CTNNA1: variants seen among roughly 807,000 people sequenced by gnomAD.
CTNNA1 encodes the protein catenin alpha 1.
A neutral mutation model predicts 98.4 loss-of-function variants in CTNNA1; 37 were observed. That is an observed-to-expected ratio of 0.38 (90% confidence interval 0.29 to 0.49). The LOEUF (loss-of-function observed/expected upper bound fraction) is 0.49. Among genes scored for constraint, CTNNA1 ranks in the 20% least tolerant of loss-of-function variants. The pLI is 0.95. For missense variants in CTNNA1, 761 were observed against 1,147.2 expected (o/e 0.66, Z 4.86); for synonymous variants, 404 against 413.2 (o/e 0.98, Z 0.27).
rs372078654 is a variant in CTNNA1 at position 138,928,931 on chromosome 5, G to A, written c.1900-315G>A. On this transcript the variant is annotated intron_variant, in intron 13 of 17. Transcript: ENST00000302763. Reference sequence around the variant, plus strand: ...AGCCTGGGTGACAGAGCGAGACTCTGTCTCAAAGGAAAAAAAAAAACAATC... The same window carrying A: ...AGCCTGGGTGACAGAGCGAGACTCTATCTCAAAGGAAAAAAAAAAACAATC... Among the ~76,000 whole-genome samples, 306 of 142,112 alleles carry A rather than the reference G, an allele frequency of 2.2e-3. 1 individual carries two copies. Among genetic ancestry groups the A allele is most frequent in the African/African-American group, 7.7e-3 (295 of 38,082 alleles). 93.2% of individuals were successfully genotyped at this position (142,112 alleles called of 152,430 possible). A position where few individuals can be genotyped will look rare whatever the true frequency, so the allele number is the denominator to read the frequency against.
At chr5:138,835,639 ATTTTAT>A (rs1393023459) in intron 7 of CTNNA1, among the ~76,000 whole-genome samples, 1 of 152,082 alleles carries the variant, frequency 6.6e-6, no homozygotes, top group Non-Finnish European at 1.5e-5. Flanking sequence ...TATTTAATAA[ATTTTAT>A]TTTTACTGTA....
intron 7 of CTNNA1, among the ~76,000 whole-genome samples, chr5:138,859,093 A>C (rs542443959): frequency 6.6e-6 from 1 of 152,362 alleles, no homozygotes; most frequent in South Asian, 2.1e-4. Flanking sequence ...TATTGTAGTC[A>C]TCATTCTGAA....
intron 1 of CTNNA1, among the ~76,000 whole-genome samples, chr5:138,775,086 A>G (rs1179444888): frequency 1.3e-5 from 2 of 152,214 alleles, no homozygotes; most frequent in Non-Finnish European, 2.9e-5. Flanking sequence ...AAATGTGACC[A>G]CATATACCTA....
At chr5:138,780,763 G>A (rs903843540) in intron 1 of CTNNA1, among the ~76,000 whole-genome samples, 1 of 152,042 alleles carries the variant, frequency 6.6e-6, no homozygotes, top group Non-Finnish European at 1.5e-5. Context: ...TGATCTGCCC[G>A]CCTTGGCTTC....
At chr5:138,839,592 G>T (rs181435035) in intron 7 of CTNNA1, among the ~76,000 whole-genome samples, 174 of 152,160 alleles carry the variant, frequency 1.1e-3, no homozygotes, top group Non-Finnish European at 2.2e-3. Context: ...TTTTAGTTGG[G>T]GGAAAGATCT....
rs76146620 is a variant in CTNNA1, at chr5:138,768,554, G to A, written c.-2-13369G>A. On this transcript the variant is annotated intron_variant, in intron 1 of 17. Coordinates refer to ENST00000302763, the MANE Select transcript of CTNNA1 (RefSeq NM_001903.5). ...GGGATTACAGGCATGAGACAACGGTGTCTGTTTTTTTTTTTTTTTTTTTTT... is the reference window on the plus strand; with the variant it reads ...GGGATTACAGGCATGAGACAACGGTATCTGTTTTTTTTTTTTTTTTTTTTT... Among the ~76,000 whole-genome samples, 1,025 of 136,464 alleles carry A rather than the reference G, an allele frequency of 7.5e-3. 16 individuals are homozygous for A. The highest frequency in any genetic ancestry group is 0.032 in the Admixed American group (411 of 12,876). 89.5% of individuals were successfully genotyped at this position (136,464 alleles called of 152,430 possible).
At chr5:138,875,780 C>T in intron 7 of CTNNA1, 1 of 945,890 alleles carries the variant, frequency 1.1e-6, no homozygotes, top group Non-Finnish European at 1.3e-6. Context: ...TATTCAGTTG[C>T]CTTGTTGTCA....
intron 7 of CTNNA1, chr5:138,880,805 T>C: frequency 3.2e-6 from 1 of 316,320 alleles, no homozygotes; most frequent in Non-Finnish European, 6.3e-6. Flanking sequence ...GTTGTCTAAA[T>C]TTAAGGGGTT....
intron 3 of CTNNA1, among the ~76,000 whole-genome samples, chr5:138,788,000 T>C (rs1281416109): frequency 6.6e-6 from 1 of 152,254 alleles, no homozygotes; most frequent in Non-Finnish European, 1.5e-5. Flanking sequence ...ATTGTACTAC[T>C]AATCTGCTTC....
chr5:138,847,229 T>C (rs1024803419), intron 7 of CTNNA1, among the ~76,000 whole-genome samples: 4 of 152,216 alleles, frequency 2.6e-5, no homozygotes, highest in African/African-American at 9.6e-5. Flanking sequence ...TACTTGTAGT[T>C]CAACAGCATG....
chr5:138,858,602 T>TTC (rs1561601823), intron 7 of CTNNA1, among the ~76,000 whole-genome samples: 1 of 145,920 alleles, frequency 6.9e-6, no homozygotes. Context: ...TTCTTTTTTT[T>TTC]TTTTTTTTTT....
chr5:138,884,339 G>A (rs1461074620), intron 7 of CTNNA1, among the ~76,000 whole-genome samples: 1 of 152,164 alleles, frequency 6.6e-6, no homozygotes, highest in East Asian at 1.9e-4. Flanking sequence ...TTATGTAGAT[G>A]AAGCCTCCAG....
intron 7 of CTNNA1, among the ~76,000 whole-genome samples, chr5:138,844,805 G>T (rs1020284125): frequency 1.3e-5 from 2 of 152,194 alleles, no homozygotes; most frequent in Non-Finnish European, 2.9e-5. Context: ...AGAAAGAAAA[G>T]ATTGGCATTC....
intron 10 of CTNNA1, among the ~76,000 whole-genome samples, chr5:138,916,421 G>A (rs1476635235): frequency 6.7e-6 from 1 of 149,070 alleles, no homozygotes; most frequent in Admixed American, 6.7e-5. Flanking sequence ...GGAGACAAGA[G>A]TCGTCCTGTT....
At chr5:138,879,631 T>A (rs556683986) in intron 7 of CTNNA1, among the ~76,000 whole-genome samples, 13 of 152,152 alleles carry the variant, frequency 8.5e-5, no homozygotes, top group Admixed American at 1.3e-4. Context: ...ATTAAAAAAA[T>A]TTTTTTCGTG....
At chr5:138,926,914 G>T (rs1764190543) in intron 13 of CTNNA1, among the ~76,000 whole-genome samples, 1 of 152,062 alleles carries the variant, frequency 6.6e-6, no homozygotes, top group African/African-American at 2.4e-5. Context: ...CCTCTCACTT[G>T]CTCCACCCAG....
In CTNNA1 at chr5:138,908,643, C is replaced by T. The variant is rs575366632; in HGVS notation, c.1389+4202C>T. ...TTATACCACTGCACTCCAGCCTGGGCGACAGAGTATGACCCCTTTGACCCC... is the reference window on the plus strand; with the variant it reads ...TTATACCACTGCACTCCAGCCTGGGTGACAGAGTATGACCCCTTTGACCCC... On this transcript the variant is annotated intron_variant, in intron 10 of 17. Transcript: ENST00000302763. Among the ~76,000 whole-genome samples the T allele has an allele frequency of 5.3e-5, 8 of 152,012 alleles. No homozygotes were observed. In the South Asian group the frequency reaches 8.3e-4, roughly 16 times the overall value.
chr5:138,803,051 C>T (rs1004249274), intron 3 of CTNNA1, among the ~76,000 whole-genome samples: 1 of 152,058 alleles, frequency 6.6e-6, no homozygotes. Flanking sequence ...GATCCTCCTG[C>T]CTCAGCTTCC....
intron 1 of CTNNA1, among the ~76,000 whole-genome samples, chr5:138,778,232 G>A (rs1166505706): frequency 6.6e-6 from 1 of 152,006 alleles, no homozygotes; most frequent in African/African-American, 2.4e-5. Context: ...CTGAACTCGT[G>A]ATCCACCCGC....
Sources: allele counts gnomAD v4.1 joint callset (sites outside exome capture counted in the v4.1 genomes callset), GRCh38; gene constraint gnomAD v4.1.1; transcripts MANE v1.5; gene names NCBI Gene and HGNC (gene_info 2026-07-23, HGNC 2026-07-21).